OSGEP: variants seen among roughly 807,000 people sequenced by gnomAD.
OSGEP encodes the protein O-sialoglycoprotein endopeptidase.
In OSGEP, 39 loss-of-function variants were observed where a neutral mutation model predicts 44.1. The ratio of observed to expected loss-of-function variants is 0.88; its 90% CI spans 0.69 to 1.16. OSGEP has a LOEUF of 1.16. Ranked by LOEUF, OSGEP falls within the 50% of genes most tolerant of loss-of-function variation. OSGEP has a pLI of 0.00. For synonymous variants in OSGEP, 139 were observed against 161.9 expected (o/e 0.86, Z 1.07); for missense variants, 403 against 443.1 (o/e 0.91, Z 0.81).
At chr14:20,452,300 T>G in intron 2 of OSGEP, 29 bp downstream of exon 2, 1 of 1,612,170 alleles carries the variant, frequency 6.2e-7, no homozygotes, top group Non-Finnish European at 8.5e-7. Context: ...GGTATATTCC[T>G]CCATCGTTGA....
intron 3 of OSGEP, chr14:20,450,699 G>A (rs916055069): frequency 6.6e-6 from 1 of 152,178 alleles, no homozygotes; most frequent in Non-Finnish European, 1.5e-5. Context: ...TTCATGAGCT[G>A]GGGACAATGC....
rs1393086009 is a variant in OSGEP at position 20,447,631 on chromosome 14, A to G, written c.853T>C (p.Phe285Leu). ...TGTCTTTACCTCTCATCTGTAGCAA[A>G]AAGCCGGGCTCCACGTTCCTGGCAC... ...TMCQERGARL[F>L]ATDERFCIDN... The change falls in exon 9 of 11, where the codon TTT becomes CTT. Residue 285 changes from phenylalanine to leucine, a missense_variant. By Grantham distance (22) the Phe-to-Leu change is conservative. Transcript: ENST00000206542. The G allele has an allele frequency of 6.2e-7, 1 of 1,614,112 alleles. No homozygotes were observed. The highest frequency in any genetic ancestry group is 1.1e-5 in the South Asian group (1 of 91,084).
chr14:20,452,094 G>A lies in OSGEP; in HGVS notation c.291C>T (p.Ala97=). The A allele has an allele frequency of 6.2e-7, 1 of 1,613,786 alleles. No homozygotes were observed. The highest frequency in any genetic ancestry group is 8.5e-7 in the Non-Finnish European group (1 of 1,179,938). The change falls in exon 3 of 11, where the codon GCC becomes GCT. Residue 97 remains alanine, a synonymous_variant. Coordinates refer to ENST00000206542, the MANE Select transcript of OSGEP (RefSeq NM_017807.4). ...VSVAVVARTV[A]QLWNKPLVGV... is the part of the protein sequence containing the mutation. ...CCACCAATGGCTTATTCCACAGTTG[G>A]GCCACAGTACGGGCCACAACAGCCA...
At chr14:20,449,125 A>G (rs1881031637) in intron 4 of OSGEP, 46 bp downstream of exon 4, 2 of 1,537,004 alleles carry the variant, frequency 1.3e-6, no homozygotes, top group South Asian at 1.1e-5. Context: ...ATGGCTTCCC[A>G]AAAATTCACC....
At position 20,446,805 on chromosome 14, in the gene OSGEP, AC is replaced by A. The variant is rs1361194057; in HGVS notation, c.*434del. On this transcript the variant is annotated 3_prime_UTR_variant, in exon 11 of 11. Transcript: ENST00000206542. The stretch of plus-strand genomic sequence containing the variant: ...ATGAATGTAAAGCAGTTAGCACGGG[AC>A]CCGATGCTATAATAATAGTTATGAT... The A allele has an allele frequency of 5.9e-6, 1 of 170,902 alleles. No individual in the cohort carries two copies. The highest frequency in any genetic ancestry group is 1.3e-5 in the Non-Finnish European group (1 of 79,802). 10.6% of individuals were successfully genotyped at this position (170,902 alleles called of 1,614,324 possible). A position where few individuals can be genotyped will look rare whatever the true frequency, so the allele number is the denominator to read the frequency against.
Position 20,454,570 on chromosome 14 carries a change from TG to T in OSGEP, c.113del (p.Thr38LysfsTer17). 1.2e-6 allele frequency: 2 copies of T among 1,609,060 alleles called. No homozygotes were observed. The highest frequency in any genetic ancestry group is 1.7e-6 in the Non-Finnish European group (2 of 1,175,342). ...PRRTYVTPPG[T>X]GFLPGDTARH... ...CTCTTAAGTCCCCTACTCACCAACC[TG>T]TGCCAGGAGGCGTGACGTAAGTCCG... is the stretch of plus-strand genomic sequence containing the variant. On this transcript the variant is annotated frameshift_variant and splice_region_variant, in exon 1 of 11. Coordinates refer to ENST00000206542, the MANE Select transcript of OSGEP (RefSeq NM_017807.4). LOFTEE classifies it high-confidence loss of function.
chr14:20,452,071 A>G lies in OSGEP; in HGVS notation c.314T>C (p.Val105Ala), dbSNP rs1359800011. The change falls in exon 3 of 11, where the codon GTG becomes GCG. Residue 105 changes from valine to alanine, a missense_variant. By Grantham distance (64) the Val-to-Ala change is moderately conservative. Coordinates refer to ENST00000206542, the MANE Select transcript of OSGEP (RefSeq NM_017807.4). The part of the protein sequence containing the change: ...TVAQLWNKPL[V>A]GVNHCIGHIE... ...GTGGCCTATACAGTGGTTCACACCC[A>G]CCAATGGCTTATTCCACAGTTGGGC... is the stretch of plus-strand genomic sequence containing the variant. 9.9e-6 allele frequency: 16 copies of G among 1,613,826 alleles called. No homozygotes were observed. The highest frequency in any genetic ancestry group is 1.4e-5 in the Non-Finnish European group (16 of 1,180,018).
chr14:20,448,372 A>T (rs952610622), intron 6 of OSGEP, among the ~76,000 whole-genome samples: 7 of 152,284 alleles, frequency 4.6e-5, no homozygotes, highest in Middle Eastern at 3.4e-3. Context: ...CTTTTTGAAT[A>T]CTTGTCCTGA....
At chr14:20,453,717 T>C (rs773937099) in intron 1 of OSGEP, among the ~76,000 whole-genome samples, 11 of 152,160 alleles carry the variant, frequency 7.2e-5, no homozygotes, top group Admixed American at 2.6e-4. Context: ...ACAGGTATTA[T>C]TCCCATTTTA....
At chr14:20,449,092 T>C (rs1881030890) in intron 4 of OSGEP, 79 bp from the exon 5 acceptor site, 16 of 1,491,968 alleles carry the variant, frequency 1.1e-5, no homozygotes, top group Non-Finnish European at 1.4e-5. Context: ...GAAGCTCATT[T>C]ACTATTTCCT....
Position 20,446,994 on chromosome 14 carries a change from A to G in OSGEP, c.*246T>C, listed in dbSNP as rs1482790597. 1.3e-5 allele frequency: 6 copies of G among 447,186 alleles called. No homozygotes were observed. The highest frequency in any genetic ancestry group is 1.6e-5 in the Non-Finnish European group (4 of 252,270). 27.7% of individuals were successfully genotyped at this position (447,186 alleles called of 1,614,324 possible). A position where few individuals can be genotyped will look rare whatever the true frequency, so the allele number is the denominator to read the frequency against. On this transcript the variant is annotated 3_prime_UTR_variant, in exon 11 of 11. Coordinates refer to ENST00000206542, the MANE Select transcript of OSGEP (RefSeq NM_017807.4). ...TCTTGGTTCCACAGCAGCAAGCTCC[A>G]ACAAGAATTTATCCAGCACCAAATC...
At position 20,447,884 on chromosome 14, in the gene OSGEP, C is replaced by T. The variant is rs1241981586; in HGVS notation, c.793+20G>A. 1 of 1,542,562 alleles carries T rather than the reference C, an allele frequency of 6.5e-7. No homozygotes were observed. Among genetic ancestry groups the T allele is most frequent in the Non-Finnish European group, 9.0e-7 (1 of 1,115,132 alleles). On this transcript the variant is annotated intron_variant, in intron 8 of 10. Transcript: ENST00000206542. ...TAGTGTTAAGAATAGGAAAGAGGAA[C>T]ACTTTTCAATAATACATACACCCCA...
intron 1 of OSGEP, 62 bp downstream of exon 1, chr14:20,454,507 A>ATT (rs1277756025): frequency 1.8e-6 from 2 of 1,118,186 alleles, no homozygotes; most frequent in Admixed American, 3.4e-5. Flanking sequence ...ATTTAGGAAG[A>ATT]TGGAAGGCTG....
intron 8 of OSGEP, 22 bp from the exon 9 acceptor site, chr14:20,447,712 G>A (rs755727290): frequency 6.3e-7 from 1 of 1,591,962 alleles, no homozygotes. Flanking sequence ...CAGGGAACAG[G>A]ATTAGCTTAG....
At chr14:20,453,431 A>ATCTCGGC (rs1162765737) in intron 1 of OSGEP, among the ~76,000 whole-genome samples, 1 of 151,616 alleles carries the variant, frequency 6.6e-6, no homozygotes, top group Admixed American at 6.6e-5. Flanking sequence ...CAATGGCACC[A>ATCTCGGC]TCTCGGCTCA....
intron 6 of OSGEP, 79 bp downstream of exon 6, chr14:20,448,654 G>A (rs1298467500): frequency 2.5e-5 from 26 of 1,023,098 alleles, no homozygotes; most frequent in South Asian, 3.9e-5. Flanking sequence ...TGAGCTATAC[G>A]AAATATAATC....
chr14:20,454,686 C>A lies in OSGEP; in HGVS notation c.-3G>T. 1 of 1,610,148 alleles carries A rather than the reference C, an allele frequency of 6.2e-7. No individual in the cohort carries two copies. The highest frequency in any genetic ancestry group is 1.1e-5 in the South Asian group (1 of 90,974). On this transcript the variant is annotated 5_prime_UTR_variant, in exon 1 of 11. Coordinates refer to ENST00000206542, the MANE Select transcript of OSGEP (RefSeq NM_017807.4). ...TCAAAACCCAGCACCGCCGGCATGG[C>A]GGAGGCTGGGAGAAAACGCCGACAG...
At chr14:20,452,274 A>C in intron 2 of OSGEP, 55 bp downstream of exon 2, 1 of 1,606,872 alleles carries the variant, frequency 6.2e-7, no homozygotes, top group Admixed American at 1.7e-5. Context: ...GGCTATTTTG[A>C]CCTAGCCAGG....
rs543106993 is a variant in OSGEP, at chr14:20,454,538, C to T, written c.115+31G>A. 38 of 1,449,280 alleles carry T rather than the reference C, an allele frequency of 2.6e-5. No individual in the cohort carries two copies. The African/African-American group carries it at 4.7e-4, about 18-fold the overall frequency. 89.8% of individuals were successfully genotyped at this position (1,449,280 alleles called of 1,614,324 possible). On this transcript the variant is annotated intron_variant, in intron 1 of 10. Transcript: ENST00000206542. ...GGCTGATTCTGTGCGGGGAAGTGCG[C>T]GGAAAACTCTTAAGTCCCCTACTCA... is the stretch of plus-strand genomic sequence containing the variant.
Sources: gnomAD v4.1 joint callset for allele counts (sites outside exome capture counted in the v4.1 genomes callset) on GRCh38, gnomAD v4.1.1 for gene constraint, MANE v1.5 for transcripts, NCBI Gene and HGNC (gene_info 2026-07-23, HGNC 2026-07-21) for gene names.